HTT: variants seen among roughly 807,000 people sequenced by gnomAD.
HTT encodes the protein huntingtin, also known as huntington disease protein.
In HTT, 104 loss-of-function variants were observed where a neutral mutation model predicts 362.3. The ratio of observed to expected loss-of-function variants is 0.29; its 90% CI spans 0.24 to 0.34. HTT has a LOEUF of 0.34. Among genes scored for constraint, HTT ranks in the 10% least tolerant of loss-of-function variants. The pLI is 1.00. For synonymous variants in HTT, 1,577 were observed against 1,548.7 expected (o/e 1.02, Z -0.43); for missense variants, 3,301 against 3,928.6 (o/e 0.84, Z 4.27).
At chr4:3,081,143 G>A (rs962488700) in intron 1 of HTT, among the ~76,000 whole-genome samples, 22 of 152,204 alleles carry the variant, frequency 1.4e-4, no homozygotes, top group Admixed American at 5.2e-4. Flanking sequence ...GATTCTGAGA[G>A]GGATTGTGTT....
At chr4:3,169,317 T>C (rs1318996888) in intron 29 of HTT, among the ~76,000 whole-genome samples, 1 of 152,088 alleles carries the variant, frequency 6.6e-6, no homozygotes, top group Non-Finnish European at 1.5e-5. Context: ...TGCACCCAGC[T>C]AGGCCATTAT....
chr4:3,196,846 C>T (rs534113960), intron 40 of HTT, among the ~76,000 whole-genome samples: 49 of 152,288 alleles, frequency 3.2e-4, no homozygotes, highest in Middle Eastern at 3.4e-3. Flanking sequence ...CCACACTAAG[C>T]CAGCCTTAAA....
intron 51 of HTT, among the ~76,000 whole-genome samples, chr4:3,216,760 T>G: frequency 6.6e-6 from 1 of 152,138 alleles, no homozygotes; most frequent in Non-Finnish European, 1.5e-5. Flanking sequence ...GCGCGGTGGC[T>G]CACGCCTGTA....
intron 13 of HTT, 67 bp downstream of exon 13, chr4:3,130,114 C>G: frequency 6.8e-7 from 1 of 1,469,738 alleles, no homozygotes; most frequent in Non-Finnish European, 9.1e-7. Context: ...TTAATTATAT[C>G]TTTGCTTCCA....
chr4:3,150,423 AG>A (rs949259387), intron 26 of HTT, among the ~76,000 whole-genome samples: 33 of 152,172 alleles, frequency 2.2e-4, no homozygotes, highest in African/African-American at 6.0e-4. Context: ...GGGACCTCAG[AG>A]GACCTGTCTC....
intron 38 of HTT, among the ~76,000 whole-genome samples, 196 bp downstream of exon 38, chr4:3,186,915 G>C (rs1394238274): frequency 1.4e-5 from 2 of 147,246 alleles, no homozygotes; most frequent in Non-Finnish European, 3.0e-5. Flanking sequence ...CTGGAGTACA[G>C]TGTCATGATC....
chr4:3,197,323 G>C (rs192102722), intron 40 of HTT, among the ~76,000 whole-genome samples: 1 of 152,126 alleles, frequency 6.6e-6, no homozygotes, highest in African/African-American at 2.4e-5. Flanking sequence ...GACTTGTCCT[G>C]CCAGTACCTC....
chr4:3,192,598 C>T (rs1276516235), intron 40 of HTT, among the ~76,000 whole-genome samples: 1 of 152,110 alleles, frequency 6.6e-6, no homozygotes, highest in Admixed American at 6.5e-5. Flanking sequence ...GGCTGGTCTC[C>T]GGGAGTAAGG....
chr4:3,136,648 A>G (rs1247270535), intron 21 of HTT, among the ~76,000 whole-genome samples: 2 of 152,194 alleles, frequency 1.3e-5, no homozygotes, highest in East Asian at 3.9e-4. Flanking sequence ...AATCACTGTT[A>G]ATATTTTGCT....
intron 1 of HTT, among the ~76,000 whole-genome samples, chr4:3,083,313 A>G (rs1713012603): frequency 6.6e-6 from 1 of 152,120 alleles, no homozygotes; most frequent in Non-Finnish European, 1.5e-5. Flanking sequence ...CTGAGGCCAG[A>G]CGACCAGCAT....
Position 3,074,920 on chromosome 4 carries a change from AGCAG to A in HTT, c.96_99del (p.Gln32HisfsTer68). The A allele has an allele frequency of 1.4e-6, 2 of 1,481,054 alleles. No homozygotes were observed. The highest frequency in any genetic ancestry group is 1.2e-5 in the South Asian group (1 of 80,452). The allele number at this position is 1,481,054 out of a possible 1,614,324, so 91.7% of individuals were successfully genotyped here. A position where few individuals can be genotyped will look rare whatever the true frequency, so the allele number is the denominator to read the frequency against. On this transcript the variant is annotated frameshift_variant, in exon 1 of 67. Coordinates refer to ENST00000355072, the MANE Select transcript of HTT (RefSeq NM_001388492.1). LOFTEE classifies it high-confidence loss of function. ...CAGCAGCAGCAGCAGCAGCAGCAGC[AGCAG>A]CAGCAGCAGCAACAGCCGCCACCGC... is the stretch of plus-strand genomic sequence containing the variant.
chr4:3,237,937 C>G (rs1721617788), intron 64 of HTT, among the ~76,000 whole-genome samples: 1 of 152,196 alleles, frequency 6.6e-6, no homozygotes, highest in Admixed American at 6.5e-5. Flanking sequence ...AGCGTTAGAA[C>G]ACATAGGGAT....
intron 40 of HTT, among the ~76,000 whole-genome samples, chr4:3,189,307 G>A (rs549817167): frequency 6.6e-6 from 1 of 152,340 alleles, no homozygotes; most frequent in South Asian, 2.1e-4. Context: ...GCAGGGTGGT[G>A]AAAAGATATT....
intron 2 of HTT, among the ~76,000 whole-genome samples, chr4:3,098,340 C>T (rs893243598): frequency 2.0e-5 from 3 of 152,150 alleles, no homozygotes; most frequent in Non-Finnish European, 4.4e-5. Context: ...CCATTGTTTG[C>T]AATTTTTACC....
chr4:3,200,071 G>C (rs1719460881), intron 41 of HTT, 132 bp downstream of exon 41: 1 of 699,434 alleles, frequency 1.4e-6, no homozygotes, highest in Non-Finnish European at 2.4e-6. Flanking sequence ...TGAAATTTCT[G>C]CTGCATATTA....
At chr4:3,181,833 A>T (rs1386013204) in intron 36 of HTT, among the ~76,000 whole-genome samples, 1 of 152,176 alleles carries the variant, frequency 6.6e-6, no homozygotes, top group Non-Finnish European at 1.5e-5. Context: ...CCACATGTTC[A>T]GTGAGCTCTG....
intron 29 of HTT, among the ~76,000 whole-genome samples, chr4:3,163,895 T>TC (rs1196745649): frequency 6.6e-6 from 1 of 151,880 alleles, no homozygotes; most frequent in Non-Finnish European, 1.5e-5. Flanking sequence ...TGATTTTTTT[T>TC]GGAGGGTTTT....
At chr4:3,176,423 C>T (rs970861214) in intron 33 of HTT, among the ~76,000 whole-genome samples, 4 of 152,102 alleles carry the variant, frequency 2.6e-5, no homozygotes, top group South Asian at 2.1e-4. Flanking sequence ...GAAGAAAATC[C>T]GTCTAAATGG....
chr4:3,126,985 G>A (rs1213390622), intron 11 of HTT, among the ~76,000 whole-genome samples: 1 of 152,218 alleles, frequency 6.6e-6, no homozygotes, highest in Non-Finnish European at 1.5e-5. Flanking sequence ...AAGGCTTGGA[G>A]TAGTCGGTTA....
Sources: gnomAD v4.1 joint callset for allele counts (sites outside exome capture counted in the v4.1 genomes callset) on GRCh38, gnomAD v4.1.1 for gene constraint, MANE v1.5 for transcripts, NCBI Gene and HGNC (gene_info 2026-07-23, HGNC 2026-07-21) for gene names.